Variants in ARL6 observed in about 807,000 individuals in gnomAD.
ARL6 encodes ADP-ribosylation factor-like protein 6.
Under a neutral mutation model 27.1 loss-of-function variants are expected in ARL6, and 18 were observed. The observed-to-expected ratio is 0.66, with a 90% CI of 0.46 to 0.98. The LOEUF (loss-of-function observed/expected upper bound fraction) is 0.98, where lower values mean the gene tolerates loss of function less well. Ranked by LOEUF, ARL6 falls within the 50% of genes least tolerant of loss-of-function variation. The pLI is 0.00. For missense variants in ARL6, 187 were observed against 214.9 expected, an observed-to-expected ratio of 0.87 and a Z score of 0.81; for synonymous variants, 65 against 72.3, an observed-to-expected ratio of 0.90 and a Z score of 0.51.
chr3:97,777,110 C>G (rs1332043439), intron 2 of ARL6, among the ~76,000 whole-genome samples: 1 of 152,182 alleles, frequency 6.6e-6, no homozygotes, highest in African/African-American at 2.4e-5. Context: ...TAGAATAATG[C>G]TTGGCACTTT....
At chr3:97,770,702 G>T (rs1014873910) in intron 2 of ARL6, among the ~76,000 whole-genome samples, 2 of 152,152 alleles carry the variant, frequency 1.3e-5, no homozygotes, top group East Asian at 3.9e-4. Context: ...GTTGACTTTT[G>T]TATATGGTGG....
chr3:97,783,704 T>A (rs932604737), intron 4 of ARL6, among the ~76,000 whole-genome samples: 63 of 151,804 alleles, frequency 4.2e-4, no homozygotes, highest in African/African-American at 1.5e-3. Context: ...TAAAAAGTTT[T>A]ATTTTGTATA....
intron 2 of ARL6, among the ~76,000 whole-genome samples, chr3:97,779,735 G>A (rs34115448): frequency 0.22 from 33,125 of 151,774 alleles, 4,113 homozygotes; most frequent in Middle Eastern, 0.31. Flanking sequence ...GCGTGGTGGC[G>A]GGCGCCTGTA....
At chr3:97,765,893 A>T (rs1234332458) in intron 1 of ARL6, 1 of 152,256 alleles carries the variant, frequency 6.6e-6, no homozygotes, top group African/African-American at 2.4e-5. Flanking sequence ...AAGTCAACTT[A>T]TGGAAGGAAA....
chr3:97,788,220 A>T (rs2037553898), intron 6 of ARL6, 101 bp downstream of exon 6: 1 of 1,208,764 alleles, frequency 8.3e-7, no homozygotes, highest in Non-Finnish European at 1.2e-6. Context: ...GTGATCAAAC[A>T]TGGTGGCATA....
Position 97,769,870 on chromosome 3 carries a change from T to A in ARL6, c.123+1640T>A, listed in dbSNP as rs367649995. 1.2e-3 allele frequency among the ~76,000 whole-genome samples: 189 copies of A among 152,234 alleles called. 3 individuals carry two copies. The highest frequency in any genetic ancestry group is 4.3e-3 in the African/African-American group (177 of 41,560). ...ATTGCTGCAAATGACAGGATTTCAGTCTTTTTTATGGCTGAATAATATTTC... is the reference window on the plus strand; with the variant it reads ...ATTGCTGCAAATGACAGGATTTCAGACTTTTTTATGGCTGAATAATATTTC... On this transcript the variant is annotated intron_variant, in intron 2 of 7. Transcript: ENST00000463745.
intron 1 of ARL6, among the ~76,000 whole-genome samples, chr3:97,765,249 T>TAA (rs879307279): frequency 0.022 from 3,209 of 148,002 alleles, 60 homozygotes; most frequent in African/African-American, 0.044. Context: ...TGTGTGTGTG[T>TAA]GTAAGTGTAA....
rs879023102 is a variant in ARL6, at chr3:97,780,693, T to A, written c.254+10T>A. 1 of 1,592,152 alleles carries A rather than the reference T, an allele frequency of 6.3e-7. No homozygotes were observed. Among genetic ancestry groups the A allele is most frequent in the Non-Finnish European group, 8.6e-7 (1 of 1,160,296 alleles). On this transcript the variant is annotated intron_variant, in intron 4 of 7. Coordinates refer to ENST00000463745, the MANE Select transcript of ARL6 (RefSeq NM_001278293.3). ...GGGAACACTATTATAAGTAAGTACA[T>A]CTGTGAATGTTGCTTAACTAGATGG...
intron 7 of ARL6, among the ~76,000 whole-genome samples, chr3:97,796,394 TA>T (rs1203405651): frequency 5.3e-5 from 8 of 151,754 alleles, no homozygotes; most frequent in African/African-American, 1.7e-4. Flanking sequence ...AATTTAGTTT[TA>T]AAAAGATGAT....
At chr3:97,764,669 T>C (rs1002602502), upstream of ARL6, 2 of 152,278 alleles carry the variant, frequency 1.3e-5, no homozygotes, top group Non-Finnish European at 2.9e-5. Flanking sequence ...CCAGAAGCTA[T>C]AGCACAACGG....
chr3:97,790,051 T>TTGTG (rs3058067), intron 6 of ARL6, among the ~76,000 whole-genome samples: 24,083 of 136,888 alleles, frequency 0.18, 2,189 homozygotes, highest in East Asian at 0.34. Context: ...GGCATCATGA[T>TTGTG]TGTGTGTGTG....
rs1386321545 is a variant in ARL6, at chr3:97,801,090, A to G, written c.*3041A>G. On this transcript the variant is annotated 3_prime_UTR_variant, in exon 8 of 8. Transcript: ENST00000463745. ...CTTATAACTCTGGTGCATGTGCATTAAAATACTATTGCATTGTAACTGAGT... is the reference window on the plus strand; with the variant it reads ...CTTATAACTCTGGTGCATGTGCATTGAAATACTATTGCATTGTAACTGAGT... 6.6e-6 allele frequency: 1 copy of G among 152,210 alleles called. No homozygotes were observed. Among genetic ancestry groups the G allele is most frequent in the Non-Finnish European group, 1.5e-5 (1 of 68,038 alleles). 9.4% of individuals were successfully genotyped at this position (152,210 alleles called of 1,614,324 possible).
chr3:97,778,559 A>T (rs2037021927), intron 2 of ARL6, among the ~76,000 whole-genome samples: 1 of 152,172 alleles, frequency 6.6e-6, no homozygotes, highest in South Asian at 2.1e-4. Context: ...AAGCAACAAG[A>T]TGAACTGAAG....
rs555076771 is a variant in ARL6 at position 97,765,248 on chromosome 3, G to A, written c.-28+271G>A. Among the ~76,000 whole-genome samples the A allele has an allele frequency of 9.8e-4, 140 of 142,286 alleles. No individual in the cohort carries two copies. The highest frequency in any genetic ancestry group is 1.3e-3 in the Non-Finnish European group (86 of 65,578). 93.3% of individuals were successfully genotyped at this position (142,286 alleles called of 152,430 possible). A position where few individuals can be genotyped will look rare whatever the true frequency, so the allele number is the denominator to read the frequency against. ...TGTGTGTGTGTGTGTGTGTGTGTGT[G>A]TGTAAGTGTAATTTAAATTATATCA... is the stretch of plus-strand genomic sequence containing the variant. On this transcript the variant is annotated intron_variant, in intron 1 of 7. Coordinates refer to ENST00000463745, the MANE Select transcript of ARL6 (RefSeq NM_001278293.3).
At chr3:97,782,451 A>C (rs1319369227) in intron 4 of ARL6, among the ~76,000 whole-genome samples, 2 of 151,882 alleles carry the variant, frequency 1.3e-5, no homozygotes, top group Non-Finnish European at 2.9e-5. Context: ...CTATTGAAAA[A>C]TCAACAATAA....
intron 2 of ARL6, among the ~76,000 whole-genome samples, chr3:97,771,603 G>C (rs1476718463): frequency 6.7e-6 from 1 of 148,562 alleles, no homozygotes; most frequent in Non-Finnish European, 1.5e-5. Flanking sequence ...TTAGAGGAAA[G>C]GCTTTTAGTT....
chr3:97,784,407 T>G (rs926526482), intron 4 of ARL6, among the ~76,000 whole-genome samples: 1 of 151,758 alleles, frequency 6.6e-6, no homozygotes, highest in African/African-American at 2.4e-5. Context: ...TACTGTATCT[T>G]AATACAAAAT....
Position 97,784,984 on chromosome 3 carries a change from A to G in ARL6, c.284A>G (p.Asp95Gly). ...KEGQAIIFVI[D>G]SSDRLRMVVA... is the part of the protein sequence containing the mutation. The stretch of plus-strand genomic sequence containing the variant: ...GGCCAAGCTATTATTTTTGTCATTG[A>G]TAGTAGTGATAGATTAAGAATGGTT... The change falls in exon 5 of 8, where the codon GAT (aspartate) becomes GGT (glycine). Residue 95 changes from aspartate (D) to glycine (G), a missense_variant. Transcript: ENST00000463745. 1 of 1,612,678 alleles carries G rather than the reference A, an allele frequency of 6.2e-7. No homozygotes were observed.
At chr3:97,793,236 A>G (rs956787632) in intron 7 of ARL6, 1 of 152,212 alleles carries the variant, frequency 6.6e-6, no homozygotes, top group African/African-American at 2.4e-5. Flanking sequence ...ATATTTCACA[A>G]TTAGTGACAA....
Sources: gnomAD v4.1 joint callset for allele counts (sites outside exome capture counted in the v4.1 genomes callset) on GRCh38, gnomAD v4.1.1 for gene constraint, MANE v1.5 for transcripts, NCBI Gene and HGNC (gene_info 2026-07-23, HGNC 2026-07-21) for gene names.